The following USP7 variants were observed in gnomAD, a reference collection of about 807,000 sequenced individuals.
The protein encoded by USP7 is ubiquitin specific peptidase 7, also known as ubiquitin C-terminal hydrolase 7.
A neutral mutation model predicts 162.9 loss-of-function variants in USP7; 9 were observed. That is an observed-to-expected ratio of 0.06 (90% CI 0.03 to 0.10). The LOEUF is 0.10. Ranked by LOEUF, USP7 falls within the 10% of genes least tolerant of loss-of-function variation. The pLI is 1.00. For missense variants in USP7, 715 were observed against 1,373.7 expected, an observed-to-expected ratio of 0.52 and a Z score of 7.58; for synonymous variants, 562 against 475.9, an observed-to-expected ratio of 1.18 and a Z score of -2.35.
chr16:8,927,934 A>C (rs1898101780), intron 2 of USP7, among the ~76,000 whole-genome samples: 2 of 152,088 alleles, frequency 1.3e-5, no homozygotes, highest in Non-Finnish European at 2.9e-5. Context: ...TGCTTGAGCC[A>C]AGAAGTTCAA....
At chr16:8,945,952 G>T (rs1457531786) in intron 1 of USP7, among the ~76,000 whole-genome samples, 1 of 152,036 alleles carries the variant, frequency 6.6e-6, no homozygotes, top group Admixed American at 6.6e-5. Flanking sequence ...TGATTATGAA[G>T]CTTCCATAAT....
At chr16:8,938,767 TTC>T (rs929512577) in intron 1 of USP7, among the ~76,000 whole-genome samples, 8 of 152,282 alleles carry the variant, frequency 5.3e-5, no homozygotes, top group African/African-American at 1.4e-4. Context: ...ACAGATTTTT[TTC>T]TGTGTCATTA....
chr16:8,894,840 C>T lies in USP7; in HGVS notation c.3055G>A (p.Glu1019Lys), dbSNP rs1225974072. 1 of 1,614,218 alleles carries T rather than the reference C, an allele frequency of 6.2e-7. No homozygotes were observed. Among genetic ancestry groups the T allele is most frequent in the East Asian group, 2.2e-5 (1 of 44,868 alleles). The change falls in exon 29 of 31, where the codon GAA becomes AAA. Residue 1019 changes from glutamate to lysine, a missense_variant. Glu to Lys is a moderately conservative substitution (Grantham distance 56, BLOSUM62 1). Coordinates refer to ENST00000344836, the MANE Select transcript of USP7 (RefSeq NM_003470.3). ...LRIHQGEHFREVMKRIQSLLD... is the reference protein window; with the variant it reads ...LRIHQGEHFRKVMKRIQSLLD... ...AGGCTCTGGATTCGCTTCATCACTT[C>T]TCGAAAATGCTCGCCCTAGAATGGC...
Position 8,938,535 on chromosome 16 carries a change from A to G in USP7, c.80-8138T>C, listed in dbSNP as rs562987292. Among the ~76,000 whole-genome samples, 79 of 151,970 alleles carry G rather than the reference A, an allele frequency of 5.2e-4. No homozygotes were observed. In the East Asian group the frequency reaches 0.013, roughly 26 times the overall value. Reference sequence around the variant, plus strand: ...AGACCATCCTGGCTAACACGGTGAAACGCCGTCTCTACTGAAAATACAAAA... The same window carrying G: ...AGACCATCCTGGCTAACACGGTGAAGCGCCGTCTCTACTGAAAATACAAAA... On this transcript the variant is annotated intron_variant, in intron 1 of 30. Coordinates refer to ENST00000344836, the MANE Select transcript of USP7 (RefSeq NM_003470.3).
intron 1 of USP7, among the ~76,000 whole-genome samples, chr16:8,930,913 G>A (rs1057005031): frequency 6.6e-6 from 1 of 151,080 alleles, no homozygotes; most frequent in Non-Finnish European, 1.5e-5. Flanking sequence ...AGGCTGCAGT[G>A]AGCCAAGATC....
At chr16:8,898,191 G>A (rs1176328020) in intron 25 of USP7, among the ~76,000 whole-genome samples, 169 bp downstream of exon 25, 4 of 152,152 alleles carry the variant, frequency 2.6e-5, no homozygotes, top group African/African-American at 9.7e-5. Context: ...GCCTCAGGAG[G>A]TCCTGCCAGG....
intron 1 of USP7, among the ~76,000 whole-genome samples, chr16:8,939,328 T>C (rs1404875039): frequency 6.6e-6 from 1 of 152,194 alleles, no homozygotes; most frequent in African/African-American, 2.4e-5. Flanking sequence ...ATCTTGTCAC[T>C]TCACCAATGC....
chr16:8,916,167 T>C (rs777328662), intron 8 of USP7, among the ~76,000 whole-genome samples: 3 of 152,210 alleles, frequency 2.0e-5, no homozygotes, highest in Non-Finnish European at 4.4e-5. Flanking sequence ...AAGTCACCAC[T>C]GTACAGTGAC....
chr16:8,892,451 C>T lies in USP7; in HGVS notation c.*1547G>A, dbSNP rs1021645866. On this transcript the variant is annotated 3_prime_UTR_variant, in exon 31 of 31. Coordinates refer to ENST00000344836, the MANE Select transcript of USP7 (RefSeq NM_003470.3). ...GTGCCACGGAGCTGGAAGGCAAGGC[C>T]GATGGGACGGTGCAAGGACCACGCC... 3 of 152,172 alleles carry T rather than the reference C, an allele frequency of 2.0e-5. No individual in the cohort carries two copies. Among genetic ancestry groups the T allele is most frequent in the African/African-American group, 4.8e-5 (2 of 41,422 alleles). 9.4% of individuals were successfully genotyped at this position (152,172 alleles called of 1,614,324 possible). A position where few individuals can be genotyped will look rare whatever the true frequency, so the allele number is the denominator to read the frequency against.
intron 1 of USP7, among the ~76,000 whole-genome samples, chr16:8,932,652 A>G (rs1898432311): frequency 6.6e-6 from 1 of 152,198 alleles, no homozygotes; most frequent in South Asian, 2.1e-4. Flanking sequence ...GTACTCTGAA[A>G]TGTCTTTCAT....
At chr16:8,932,153 C>T (rs1028778282) in intron 1 of USP7, among the ~76,000 whole-genome samples, 1 of 152,174 alleles carries the variant, frequency 6.6e-6, no homozygotes, top group African/African-American at 2.4e-5. Flanking sequence ...CCCCACCACC[C>T]AAGCATCTCA....
intron 1 of USP7, among the ~76,000 whole-genome samples, chr16:8,946,363 T>C (rs544113840): frequency 3.7e-4 from 57 of 152,086 alleles, no homozygotes; most frequent in Non-Finnish European, 6.9e-4. Flanking sequence ...GGAGGATCAC[T>C]TGTGGCCAGG....
chr16:8,930,427 T>G, intron 1 of USP7, 30 bp from the exon 2 acceptor site: 1 of 1,551,742 alleles, frequency 6.4e-7, no homozygotes, highest in Non-Finnish European at 8.8e-7. Flanking sequence ...ATTCCACGGG[T>G]TTTACATTCA....
chr16:8,921,564 T>C (rs1897691347), intron 3 of USP7, among the ~76,000 whole-genome samples: 1 of 152,220 alleles, frequency 6.6e-6, no homozygotes, highest in Non-Finnish European at 1.5e-5. Flanking sequence ...TTTCATTGTA[T>C]CTATACAATT....
intron 1 of USP7, among the ~76,000 whole-genome samples, chr16:8,946,319 G>C (rs146864218): frequency 0.012 from 1,803 of 152,244 alleles, 21 homozygotes; most frequent in African/African-American, 0.039. Context: ...GGTGGCTTAA[G>C]CCGGTAATCC....
At chr16:8,957,196 T>C (rs889114720) in intron 1 of USP7, among the ~76,000 whole-genome samples, 2 of 152,258 alleles carry the variant, frequency 1.3e-5, no homozygotes, top group African/African-American at 2.4e-5. Flanking sequence ...AGCTGAGGCA[T>C]GTGTTAACTT....
At chr16:8,907,946 T>G (rs923138419) in intron 12 of USP7, among the ~76,000 whole-genome samples, 2 of 152,220 alleles carry the variant, frequency 1.3e-5, no homozygotes, top group African/African-American at 4.8e-5. Flanking sequence ...AACAAAATAT[T>G]GGAAAATCCT....
At chr16:8,950,819 T>C (rs75593824) in intron 1 of USP7, among the ~76,000 whole-genome samples, 7,109 of 152,314 alleles carry the variant, frequency 0.047, 227 homozygotes, top group Middle Eastern at 0.14. Flanking sequence ...ACGACAGTGA[T>C]CTGAGCGGGC....
chr16:8,936,483 T>G (rs1278561713), intron 1 of USP7: 3 of 1,273,194 alleles, frequency 2.4e-6, no homozygotes, highest in Non-Finnish European at 3.1e-6. Flanking sequence ...TCTAGATGTA[T>G]AGCCCCAAAT....
Sources: allele counts gnomAD v4.1 joint callset (sites outside exome capture counted in the v4.1 genomes callset), GRCh38; gene constraint gnomAD v4.1.1; transcripts MANE v1.5; gene names NCBI Gene and HGNC (gene_info 2026-07-23, HGNC 2026-07-21).